Variants in CCDC172 observed in about 807,000 individuals in gnomAD.
The protein encoded by CCDC172 is coiled-coil domain containing 172, also known as coiled-coil domain-containing protein 172.
A neutral mutation model predicts 38.0 loss-of-function variants in CCDC172; 30 were observed. That is an observed-to-expected ratio of 0.79 (90% CI 0.59 to 1.07). The LOEUF (loss-of-function observed/expected upper bound fraction) is 1.07. Ranked by LOEUF, CCDC172 falls within the 50% of genes least tolerant of loss-of-function variation. CCDC172 has a pLI of 0.00. For synonymous variants in CCDC172, 78 were observed against 88.3 expected, an observed-to-expected ratio of 0.88 and a Z score of 0.66; for missense variants, 297 against 290.1, an observed-to-expected ratio of 1.02 and a Z score of -0.17.
chr10:116,378,508 T>C lies in CCDC172; in HGVS notation c.739T>C (p.Leu247=), dbSNP rs1565726967. The change falls in exon 8 of 9, where the codon TTG becomes CTG. Residue 247 remains leucine, a splice_region_variant and synonymous_variant. Transcript: ENST00000333254. ...CCAAACAGAAATAGAATTTTTGGAG[T>C]TGGTAAGTTATCATTGATTGTTTAA... ...ALQTEIEFLE[L]TLAQKDLQES... 2 of 1,601,230 alleles carry C rather than the reference T, an allele frequency of 1.2e-6. No homozygotes were observed. Among genetic ancestry groups the C allele is most frequent in the Non-Finnish European group, 1.7e-6 (2 of 1,173,800 alleles).
At chr10:116,377,403 C>G (rs1051162831) in intron 7 of CCDC172, among the ~76,000 whole-genome samples, 4 of 152,118 alleles carry the variant, frequency 2.6e-5, no homozygotes, top group Admixed American at 2.6e-4. Context: ...TTTCAAATGA[C>G]AGTCTCTCAT....
At chr10:116,335,217 T>C (rs1330322764) in intron 3 of CCDC172, among the ~76,000 whole-genome samples, 1 of 152,044 alleles carries the variant, frequency 6.6e-6, no homozygotes, top group African/African-American at 2.4e-5. Context: ...TTTTTTAAAA[T>C]ATTTTAAAGA....
intron 5 of CCDC172, among the ~76,000 whole-genome samples, chr10:116,346,787 C>T (rs1187682054): frequency 6.6e-6 from 1 of 151,906 alleles, no homozygotes; most frequent in Admixed American, 6.6e-5. Context: ...TTTATTCTTT[C>T]AGAAAGTCTG....
chr10:116,370,134 C>G (rs1464672643), intron 7 of CCDC172, among the ~76,000 whole-genome samples: 1 of 150,188 alleles, frequency 6.7e-6, no homozygotes, highest in Non-Finnish European at 1.5e-5. Flanking sequence ...CAAATATTTT[C>G]TTATGGTTTG....
At chr10:116,368,903 A>G (rs1334270047) in intron 7 of CCDC172, among the ~76,000 whole-genome samples, 1 of 152,002 alleles carries the variant, frequency 6.6e-6, no homozygotes, top group Non-Finnish European at 1.5e-5. Context: ...CTTTCTAGTT[A>G]AAACTCTGGT....
At position 116,325,396 on chromosome 10, in the gene CCDC172, A is replaced by T; in HGVS notation, c.165+8A>T. ...ATCAAGCTGGAATCTAAGGTATTGAAATGTAAAGCATACTAATTATCACTT... is the reference window on the plus strand; with the variant it reads ...ATCAAGCTGGAATCTAAGGTATTGATATGTAAAGCATACTAATTATCACTT... On this transcript the variant is annotated splice_region_variant and intron_variant, in intron 3 of 8. Coordinates refer to ENST00000333254, the MANE Select transcript of CCDC172 (RefSeq NM_198515.3). 6.2e-7 allele frequency: 1 copy of T among 1,605,206 alleles called. No homozygotes were observed. Among genetic ancestry groups the T allele is most frequent in the Non-Finnish European group, 8.5e-7 (1 of 1,173,530 alleles).
Position 116,378,424 on chromosome 10 carries a change from C to G in CCDC172, c.655C>G (p.Leu219Val), listed in dbSNP as rs1845275145. ...AGGTGAAATTTTCTTTTAAAATAGACTTAAAAAAGAATTAGAACTTTATAA... is the reference window on the plus strand; with the variant it reads ...AGGTGAAATTTTCTTTTAAAATAGAGTTAAAAAAGAATTAGAACTTTATAA... ...KPQNDTECLRLKKELELYKED... is the reference protein window; with the variant it reads ...KPQNDTECLRVKKELELYKED... The change falls in exon 8 of 9, where the codon CTT becomes GTT. Residue 219 changes from leucine to valine, a missense_variant and splice_region_variant. Transcript: ENST00000333254. 1.3e-6 allele frequency: 2 copies of G among 1,585,198 alleles called. No individual in the cohort carries two copies. The highest frequency in any genetic ancestry group is 2.7e-5 in the African/African-American group (2 of 73,046).
intron 7 of CCDC172, among the ~76,000 whole-genome samples, chr10:116,364,674 G>A (rs1304360508): frequency 6.6e-6 from 1 of 152,074 alleles, no homozygotes; most frequent in Non-Finnish European, 1.5e-5. Context: ...ATAGCATTGA[G>A]CACACACACA....
intron 8 of CCDC172, among the ~76,000 whole-genome samples, chr10:116,379,052 T>C (rs1230428316): frequency 6.6e-6 from 1 of 152,166 alleles, no homozygotes; most frequent in Non-Finnish European, 1.5e-5. Context: ...GTATTTGCCA[T>C]ACTACATTTT....
At position 116,325,384 on chromosome 10, in the gene CCDC172, C is replaced by T. The variant is rs1301538913; in HGVS notation, c.161C>T (p.Ser54Phe). 3.7e-6 allele frequency: 6 copies of T among 1,611,796 alleles called. No homozygotes were observed. The highest frequency in any genetic ancestry group is 1.6e-4 in the Middle Eastern group (1 of 6,062). ...ELNEEKIKLE[S>F]KVQQFFEKSF... ...AATGAAGAGAAAATCAAGCTGGAAT[C>T]TAAGGTATTGAAATGTAAAGCATAC... The change falls in exon 3 of 9, where the codon TCT becomes TTT. Residue 54 changes from serine (S) to phenylalanine (F), a missense_variant. Transcript: ENST00000333254.
At chr10:116,329,401 T>C (rs1383719560) in intron 3 of CCDC172, among the ~76,000 whole-genome samples, 1 of 152,084 alleles carries the variant, frequency 6.6e-6, no homozygotes, top group African/African-American at 2.4e-5. Flanking sequence ...TGCTGTTTCC[T>C]CTGCTTGAAA....
chr10:116,366,015 C>A (rs1181758540), intron 7 of CCDC172, among the ~76,000 whole-genome samples: 1 of 152,092 alleles, frequency 6.6e-6, no homozygotes, highest in African/African-American at 2.4e-5. Context: ...GCATTTCTCA[C>A]AATATTTTCC....
intron 7 of CCDC172, 26 bp from the exon 8 acceptor site, chr10:116,378,397 A>T: frequency 6.4e-7 from 1 of 1,566,520 alleles, no homozygotes; most frequent in Non-Finnish European, 8.7e-7. Flanking sequence ...TATTAAACTA[A>T]CAGGTGAAAT....
At position 116,356,158 on chromosome 10, in the gene CCDC172, C is replaced by T. The variant is rs1036511625; in HGVS notation, c.449-1222C>T. Among the ~76,000 whole-genome samples the T allele has an allele frequency of 1.1e-4, 17 of 151,902 alleles. 1 individual carries two copies. Among genetic ancestry groups the T allele is most frequent in the South Asian group, 6.2e-4 (3 of 4,814 alleles). ...CCAGCCTGACCAACATGGTGAAACC[C>T]GTCTCTATTAAAAACACAAAAATTA... On this transcript the variant is annotated intron_variant, in intron 5 of 8. Transcript: ENST00000333254.
At chr10:116,347,519 A>G (rs1371160774) in intron 5 of CCDC172, among the ~76,000 whole-genome samples, 1 of 152,148 alleles carries the variant, frequency 6.6e-6, no homozygotes, top group Non-Finnish European at 1.5e-5. Context: ...TTGGAAAAGC[A>G]TATGATTGTT....
intron 3 of CCDC172, among the ~76,000 whole-genome samples, chr10:116,332,100 G>A (rs1182011039): frequency 6.6e-6 from 1 of 151,984 alleles, no homozygotes; most frequent in Non-Finnish European, 1.5e-5. Context: ...TTCTTATGTG[G>A]GCATTTAAAG....
At chr10:116,349,788 T>C (rs1844909591) in intron 5 of CCDC172, among the ~76,000 whole-genome samples, 1 of 152,050 alleles carries the variant, frequency 6.6e-6, no homozygotes, top group Non-Finnish European at 1.5e-5. Context: ...GGAGCCTACA[T>C]TCCAGTATGA....
chr10:116,329,469 C>T (rs561870078), intron 3 of CCDC172, among the ~76,000 whole-genome samples: 2 of 152,214 alleles, frequency 1.3e-5, no homozygotes, highest in East Asian at 3.9e-4. Flanking sequence ...AGATCTCTCC[C>T]AGTAGAATCA....
intron 3 of CCDC172, among the ~76,000 whole-genome samples, chr10:116,331,016 A>G (rs1052633895): frequency 1.8e-4 from 28 of 152,174 alleles, no homozygotes; most frequent in African/African-American, 6.8e-4. Flanking sequence ...CTGAAATTAC[A>G]GGCGTGAACC....
Sources: gnomAD v4.1 joint callset for allele counts (sites outside exome capture counted in the v4.1 genomes callset) on GRCh38, gnomAD v4.1.1 for gene constraint, MANE v1.5 for transcripts, NCBI Gene and HGNC (gene_info 2026-07-23, HGNC 2026-07-21) for gene names.